Variants in CDCA2 observed in about 807,000 individuals in gnomAD.
The protein encoded by CDCA2 is cell division cycle associated 2, also known as cell division cycle-associated protein 2.
In CDCA2, 44 loss-of-function variants were observed where a neutral mutation model predicts 67.0. The ratio of observed to expected loss-of-function variants is 0.66; its 90% CI spans 0.52 to 0.84. The LOEUF (loss-of-function observed/expected upper bound fraction) is 0.84. Ranked by LOEUF, CDCA2 falls within the 40% of genes least tolerant of loss-of-function variation. The probability of loss-of-function intolerance (pLI) is 0.00; values close to 1 mark genes in which losing one functional copy is unlikely to be tolerated. For missense variants in CDCA2, 1,253 were observed against 1,203.2 expected (o/e 1.04, Z -0.61); for synonymous variants, 447 against 418.7 (o/e 1.07, Z -0.82).
chr8:25,486,350 C>T (rs1228970921), intron 11 of CDCA2, among the ~76,000 whole-genome samples: 2 of 152,152 alleles, frequency 1.3e-5, no homozygotes, highest in Non-Finnish European at 2.9e-5. Context: ...ATTCAGGTGT[C>T]TTCCCTGGCG....
intron 5 of CDCA2, among the ~76,000 whole-genome samples, chr8:25,467,789 A>C (rs1347978624): frequency 6.6e-6 from 1 of 152,002 alleles, no homozygotes; most frequent in East Asian, 1.9e-4. Context: ...CTTTTCATTG[A>C]TAATTTAGAC....
intron 4 of CDCA2, among the ~76,000 whole-genome samples, chr8:25,463,875 C>T (rs77121963): frequency 0.012 from 1,837 of 152,318 alleles, 16 homozygotes; most frequent in South Asian, 0.035. Flanking sequence ...TTTTCTGCCC[C>T]ATCCTGTTTC....
intron 7 of CDCA2, among the ~76,000 whole-genome samples, chr8:25,473,043 A>G (rs1171728617): frequency 3.9e-5 from 6 of 152,160 alleles, no homozygotes; most frequent in Non-Finnish European, 1.5e-5. Flanking sequence ...GGTAACCACT[A>G]TTCAACTCTT....
Position 25,460,235 on chromosome 8 carries a change from C to T in CDCA2, c.1-5C>T, listed in dbSNP as rs953623906. ...TATTTTTCATTGTTTTTCTTCACCT[C>T]TTAGATGGATGCCAATTCAAAAGAC... On this transcript the variant is annotated splice_region_variant and splice_polypyrimidine_tract_variant and intron_variant, in intron 1 of 14. Coordinates refer to ENST00000330560, the MANE Select transcript of CDCA2 (RefSeq NM_152562.4). 6.2e-7 allele frequency: 1 copy of T among 1,613,962 alleles called. No individual in the cohort carries two copies. Among genetic ancestry groups the T allele is most frequent in the East Asian group, 2.2e-5 (1 of 44,894 alleles).
intron 14 of CDCA2, among the ~76,000 whole-genome samples, chr8:25,506,102 C>T (rs893875521): frequency 4.6e-5 from 7 of 152,122 alleles, no homozygotes; most frequent in East Asian, 3.9e-4. Flanking sequence ...TCCCCTGTTT[C>T]GGAGGATACA....
At chr8:25,480,821 A>G (rs1803539380) in intron 8 of CDCA2, among the ~76,000 whole-genome samples, 1 of 152,194 alleles carries the variant, frequency 6.6e-6, no homozygotes, top group Admixed American at 6.5e-5. Flanking sequence ...TTGACTTGGA[A>G]ATGTAATCAC....
chr8:25,498,705 T>A (rs1261291750), intron 13 of CDCA2, among the ~76,000 whole-genome samples: 1 of 152,018 alleles, frequency 6.6e-6, no homozygotes, highest in African/African-American at 2.4e-5. Flanking sequence ...CCTTTGTAGC[T>A]ACATCCACTT....
chr8:25,470,551 T>C (rs1053251615), intron 7 of CDCA2, among the ~76,000 whole-genome samples: 1 of 152,208 alleles, frequency 6.6e-6, no homozygotes, highest in Non-Finnish European at 1.5e-5. Context: ...TATCATATGT[T>C]TTCTATTCCT....
At chr8:25,490,472 T>A (rs1803958905) in intron 13 of CDCA2, among the ~76,000 whole-genome samples, 1 of 151,434 alleles carries the variant, frequency 6.6e-6, no homozygotes, top group Non-Finnish European at 1.5e-5. Flanking sequence ...TGTTGACAGA[T>A]AAAAAAAGGT....
chr8:25,469,642 T>C (rs567135196), intron 6 of CDCA2, among the ~76,000 whole-genome samples: 1 of 152,272 alleles, frequency 6.6e-6, no homozygotes, highest in South Asian at 2.1e-4. Context: ...TAAAAGTTGA[T>C]TTGTGGGATG....
intron 6 of CDCA2, among the ~76,000 whole-genome samples, chr8:25,468,706 A>G (rs1183411677): frequency 3.9e-5 from 6 of 152,190 alleles, no homozygotes; most frequent in South Asian, 2.1e-4. Flanking sequence ...GAGGTATTCT[A>G]GAGGGTGATG....
intron 13 of CDCA2, among the ~76,000 whole-genome samples, chr8:25,493,292 T>G (rs1457875175): frequency 2.6e-5 from 4 of 152,206 alleles, no homozygotes; most frequent in Non-Finnish European, 5.9e-5. Flanking sequence ...TAAAATTAGA[T>G]TAAATGCCAC....
rs1249671493 is a variant in CDCA2 at position 25,507,609 on chromosome 8, T to C, written c.2943T>C (p.Ser981=). The C allele has an allele frequency of 1.9e-6, 3 of 1,614,220 alleles. No homozygotes were observed. The South Asian group carries it at 3.3e-5, about 18-fold the overall frequency. ...PGKRRKSFCI[S]TLANTKATSQ... is the part of the protein sequence containing the mutation. ...AGAGGAGGAAGAGCTTTTGTATATCTACACTTGCAAATACTAAAGCCACTT... is the reference window on the plus strand; with the variant it reads ...AGAGGAGGAAGAGCTTTTGTATATCCACACTTGCAAATACTAAAGCCACTT... Residue 981 remains serine (S), a synonymous_variant, in exon 15 of 15, where the codon TCT becomes TCC. Transcript: ENST00000330560.
At position 25,507,649 on chromosome 8, in the gene CDCA2, T is replaced by C. The variant is rs895289211; in HGVS notation, c.2983T>C (p.Tyr995His). Residue 995 changes from tyrosine to histidine, a missense_variant, in exon 15 of 15, where the codon TAC becomes CAC. Physicochemically the swap from Tyr to His is moderately conservative, Grantham distance 83. Coordinates refer to ENST00000330560, the MANE Select transcript of CDCA2 (RefSeq NM_152562.4). ...TAAAGCCACTTCCCAGTTCAAAGGC[T>C]ACCGGAGAAGATCCTCTCTTAATGG... ...NTKATSQFKGYRRRSSLNGKG... is the reference protein window; with the variant it reads ...NTKATSQFKGHRRRSSLNGKG... The C allele has an allele frequency of 6.2e-7, 1 of 1,614,102 alleles. No homozygotes were observed. The highest frequency in any genetic ancestry group is 8.5e-7 in the Non-Finnish European group (1 of 1,180,038).
intron 8 of CDCA2, among the ~76,000 whole-genome samples, chr8:25,480,420 AT>A (rs1803525211): frequency 6.6e-6 from 1 of 152,146 alleles, no homozygotes; most frequent in African/African-American, 2.4e-5. Context: ...ATTATATGTT[AT>A]TGATTCATTT....
chr8:25,471,793 A>G (rs190239462), intron 7 of CDCA2, among the ~76,000 whole-genome samples: 5 of 152,334 alleles, frequency 3.3e-5, no homozygotes, highest in Admixed American at 1.3e-4. Context: ...TCACTCTACA[A>G]TGTGAAATGT....
In CDCA2 at chr8:25,488,635, G is replaced by C; in HGVS notation, c.1617G>C (p.Arg539Ser). The C allele has an allele frequency of 6.2e-7, 1 of 1,612,876 alleles. No individual in the cohort carries two copies. The highest frequency in any genetic ancestry group is 8.5e-7 in the Non-Finnish European group (1 of 1,179,600). Residue 539 changes from arginine to serine, a missense_variant, in exon 13 of 15, where the codon AGG becomes AGC. Physicochemically the swap from Arg to Ser is moderately radical, Grantham distance 110. Transcript: ENST00000330560. ...VQPCKEKKINRRKSQETKCTK... is the reference protein window; with the variant it reads ...VQPCKEKKINSRKSQETKCTK... ...CTTGTAAAGAAAAGAAAATTAATAG[G>C]AGGAAGTCTCAAGAAACAAAGTGTA... is the stretch of plus-strand genomic sequence containing the variant.
In CDCA2 at chr8:25,507,107, A is replaced by T. The variant is rs2117561233; in HGVS notation, c.2441A>T (p.Lys814Ile). 6.2e-7 allele frequency: 1 copy of T among 1,614,186 alleles called. No homozygotes were observed. Among genetic ancestry groups the T allele is most frequent in the East Asian group, 2.2e-5 (1 of 44,884 alleles). ...AGCCAGAGTGAGGATTTGGGAAGAA[A>T]ACCCATGGAAAGTAGCAGTGTTGTG... The part of the protein sequence containing the change: ...SKSQSEDLGR[K>I]PMESSSVVSC... Residue 814 changes from lysine (K) to isoleucine (I), a missense_variant, in exon 15 of 15, where the codon AAA becomes ATA. Physicochemically the swap from Lys to Ile is moderately radical, Grantham distance 102. Transcript: ENST00000330560.
At chr8:25,501,159 T>C (rs1198255327) in intron 13 of CDCA2, among the ~76,000 whole-genome samples, 1 of 152,254 alleles carries the variant, frequency 6.6e-6, no homozygotes, top group African/African-American at 2.4e-5. Flanking sequence ...TTATTTATAC[T>C]GTGGACTTCT....
Sources: gnomAD v4.1 joint callset for allele counts (sites outside exome capture counted in the v4.1 genomes callset) on GRCh38, gnomAD v4.1.1 for gene constraint, MANE v1.5 for transcripts, NCBI Gene and HGNC (gene_info 2026-07-23, HGNC 2026-07-21) for gene names.